The following PIK3R6 variants were observed in gnomAD, a reference collection of about 807,000 sequenced individuals.
PIK3R6 encodes the protein phosphoinositide 3-kinase regulatory subunit 6.
A neutral mutation model predicts 84.9 loss-of-function variants in PIK3R6; 91 were observed. That is an observed-to-expected ratio of 1.07 (90% CI 0.90 to 1.28). PIK3R6 has a LOEUF of 1.28. PIK3R6 is among the 50% of genes most tolerant of loss of function. The pLI, the probability that PIK3R6 is intolerant of heterozygous loss-of-function variation, is 0.00. For synonymous variants in PIK3R6, 416 were observed against 411.4 expected (o/e 1.01, Z -0.13); for missense variants, 996 against 985.1 (o/e 1.01, Z -0.15).
intron 12 of PIK3R6, 73 bp downstream of exon 12, chr17:8,828,039 C>A (rs1045012265): frequency 1.4e-6 from 2 of 1,463,588 alleles, no homozygotes; most frequent in Admixed American, 1.7e-5. Flanking sequence ...GTGGGGGATG[C>A]GGGGCTGCAG....
chr17:8,858,646 T>C (rs1450404671), intron 1 of PIK3R6, among the ~76,000 whole-genome samples: 3 of 152,088 alleles, frequency 2.0e-5, no homozygotes, highest in African/African-American at 4.8e-5. Flanking sequence ...TGGAAGCTCA[T>C]TGTATGCACC....
intron 1 of PIK3R6, among the ~76,000 whole-genome samples, chr17:8,860,119 T>C (rs572224439): frequency 1.3e-5 from 2 of 152,304 alleles, no homozygotes; most frequent in Admixed American, 1.3e-4. Flanking sequence ...AAGGCACAGA[T>C]AGCTATGCAG....
chr17:8,855,823 C>A (rs1322033409), intron 1 of PIK3R6, among the ~76,000 whole-genome samples: 1 of 152,204 alleles, frequency 6.6e-6, no homozygotes, highest in Non-Finnish European at 1.5e-5. Context: ...ATCCCGTAAT[C>A]CCTAGCTTTT....
At chr17:8,853,823 T>C (rs965905928) in intron 1 of PIK3R6, among the ~76,000 whole-genome samples, 1 of 148,870 alleles carries the variant, frequency 6.7e-6, no homozygotes, top group Non-Finnish European at 1.5e-5. Context: ...ATTAGCTGGG[T>C]GTGGTGGCAT....
At chr17:8,819,007 C>T in intron 18 of PIK3R6, 76 bp downstream of exon 18, 1 of 1,118,306 alleles carries the variant, frequency 8.9e-7, no homozygotes, top group Non-Finnish European at 1.3e-6. Flanking sequence ...CTCTGAATGC[C>T]CTCCCCTCTG....
At chr17:8,837,038 A>G (rs991455626) in intron 5 of PIK3R6, 115 bp from the exon 6 acceptor site, 21 of 798,034 alleles carry the variant, frequency 2.6e-5, no homozygotes, top group Middle Eastern at 3.2e-4. Context: ...GAAGAGGTGG[A>G]AGGTCAGGCC....
At position 8,863,345 on chromosome 17, in the gene PIK3R6, C is replaced by T. The variant is rs758162653; in HGVS notation, c.-92+4184G>A. On this transcript the variant is annotated intron_variant, in intron 1 of 19. Coordinates refer to ENST00000619866, the MANE Select transcript of PIK3R6 (RefSeq NM_001010855.4). ...GGCTAATTAACATATCCATCTAATA[C>T]CTATCCTTTTCCTGGTGAAAACATT... Among the ~76,000 whole-genome samples, 4 of 151,982 alleles carry T rather than the reference C, an allele frequency of 2.6e-5. 1 individual carries two copies. Among genetic ancestry groups the T allele is most frequent in the Non-Finnish European group, 5.9e-5 (4 of 68,028 alleles).
rs954498538 is a variant in PIK3R6 at position 8,839,314 on chromosome 17, C to T, written c.97+300G>A. ...GGTGAGCCGAGTTTGCACCACTGCACTGCAGCCTGGGTGACAGAGTAGGAC... is the reference window on the plus strand; with the variant it reads ...GGTGAGCCGAGTTTGCACCACTGCATTGCAGCCTGGGTGACAGAGTAGGAC... On this transcript the variant is annotated intron_variant, in intron 3 of 19. Transcript: ENST00000619866. The surrounding 1 kb of genome is among the most constrained non-coding windows in gnomAD (Gnocchi z 4.2). Among the ~76,000 whole-genome samples the T allele has an allele frequency of 6.6e-5, 10 of 151,784 alleles. No individual in the cohort carries two copies. Among genetic ancestry groups the T allele is most frequent in the Non-Finnish European group, 1.3e-4 (9 of 67,978 alleles).
rs1174827488 is a variant in PIK3R6, at chr17:8,828,889, C to T, written c.991G>A (p.Ala331Thr). Residue 331 changes from alanine to threonine, a missense_variant, in exon 11 of 20, where the codon GCC (alanine) becomes ACC (threonine). Physicochemically the swap from Ala to Thr is moderately conservative, Grantham distance 58. Transcript: ENST00000619866. ...LQGLRPDREL[A>T]RVSVLSTDSG... The stretch of plus-strand genomic sequence containing the variant: ...TCAGTGGACAGCACAGAAACCCGGG[C>T]CAACTCCCGGTCCGGCCGGAGGCCC... The T allele has an allele frequency of 5.1e-6, 8 of 1,573,794 alleles. No individual in the cohort carries two copies. Among genetic ancestry groups the T allele is most frequent in the Non-Finnish European group, 6.9e-6 (8 of 1,159,488 alleles).
intron 2 of PIK3R6, among the ~76,000 whole-genome samples, chr17:8,846,903 C>T (rs1257624003): frequency 1.3e-5 from 2 of 152,144 alleles, no homozygotes; most frequent in African/African-American, 2.4e-5. Flanking sequence ...CCTTGTAGGC[C>T]TGTGTTCCCT....
chr17:8,864,181 A>G (rs533368558), intron 1 of PIK3R6, among the ~76,000 whole-genome samples: 5 of 152,294 alleles, frequency 3.3e-5, no homozygotes, highest in African/African-American at 7.2e-5. Flanking sequence ...TGCTGTCAAT[A>G]TAATAGAGAT....
intron 6 of PIK3R6, 23 bp downstream of exon 6, chr17:8,836,768 C>G: frequency 6.2e-7 from 1 of 1,610,954 alleles, no homozygotes; most frequent in Non-Finnish European, 8.5e-7. Context: ...GCGTGGGAGA[C>G]AAAGATGCCC....
rs1446748009 is a variant in PIK3R6, at chr17:8,803,317, G to T, written c.2221C>A (p.Pro741Thr). 3 of 1,613,080 alleles carry T rather than the reference G, an allele frequency of 1.9e-6. No homozygotes were observed. Among genetic ancestry groups the T allele is most frequent in the Non-Finnish European group, 2.5e-6 (3 of 1,179,882 alleles). Residue 741 changes from proline (P) to threonine (T), a missense_variant, in exon 20 of 20, where the codon CCC (proline) becomes ACC (threonine). By Grantham distance (38) the Pro-to-Thr change is conservative. Transcript: ENST00000619866. This position sits in a 1 kb window ranked among gnomAD's most constrained non-coding sequence, Gnocchi z 5.0. ...EVEAIKAKPK[P>T]LLMPINTFSG... is the part of the protein sequence containing the mutation. ...AATGTGTTGATGGGCATCAGAAGGG[G>T]CTTGGGCTTGGCTTTGATTGCTTCC... is the stretch of plus-strand genomic sequence containing the variant.
At chr17:8,846,902 C>A (rs555107203) in intron 2 of PIK3R6, among the ~76,000 whole-genome samples, 2 of 152,282 alleles carry the variant, frequency 1.3e-5, no homozygotes, top group African/African-American at 4.8e-5. Flanking sequence ...CCCTTGTAGG[C>A]CTGTGTTCCC....
intron 1 of PIK3R6, among the ~76,000 whole-genome samples, chr17:8,866,493 G>T (rs548804091): frequency 1.3e-5 from 2 of 152,266 alleles, no homozygotes; most frequent in African/African-American, 4.8e-5. Flanking sequence ...AGTGAGCCGA[G>T]ATCGCACCAC....
At chr17:8,855,458 A>G (rs1259777137) in intron 1 of PIK3R6, among the ~76,000 whole-genome samples, 1 of 152,226 alleles carries the variant, frequency 6.6e-6, no homozygotes, top group Non-Finnish European at 1.5e-5. Flanking sequence ...ACACATTAAA[A>G]AAATGCTCAA....
chr17:8,850,842 A>G (rs1597433113), intron 1 of PIK3R6, among the ~76,000 whole-genome samples: 1 of 152,340 alleles, frequency 6.6e-6, no homozygotes, highest in East Asian at 1.9e-4. Flanking sequence ...CCTGTGTCGC[A>G]CATGGTTTTC....
intron 1 of PIK3R6, among the ~76,000 whole-genome samples, chr17:8,853,802 A>G (rs548456214): frequency 2.0e-5 from 3 of 151,824 alleles, no homozygotes; most frequent in Admixed American, 2.0e-4. Context: ...TCTCTACTAA[A>G]AATGGAAAAA....
At chr17:8,861,420 C>T (rs985501158) in intron 1 of PIK3R6, among the ~76,000 whole-genome samples, 7 of 152,202 alleles carry the variant, frequency 4.6e-5, no homozygotes, top group Non-Finnish European at 7.3e-5. Flanking sequence ...TGCAGTTTCA[C>T]TTTCTGCAAT....
Sources: allele counts gnomAD v4.1 joint callset (sites outside exome capture counted in the v4.1 genomes callset), GRCh38; gene constraint gnomAD v4.1.1; non-coding constraint Gnocchi (gnomAD v3.1); transcripts MANE v1.5; gene names NCBI Gene and HGNC (gene_info 2026-07-23, HGNC 2026-07-21).